TRAM2: variants seen among roughly 807,000 people sequenced by gnomAD.
The protein encoded by TRAM2 is translocation associated membrane protein 2, also known as translocating chain-associated membrane protein 2.
In TRAM2, 12 loss-of-function variants were observed where a neutral mutation model predicts 51.0. The observed-to-expected ratio is 0.24, with a 90% CI of 0.15 to 0.38. TRAM2 has a LOEUF of 0.38. Ranked by LOEUF, TRAM2 falls within the 10% of genes least tolerant of loss-of-function variation. The probability of loss-of-function intolerance (pLI) is 1.00; values close to 1 mark genes in which losing one functional copy is unlikely to be tolerated. For missense variants in TRAM2, 361 were observed against 462.0 expected (o/e 0.78, Z 2.00); for synonymous variants, 175 against 179.4 (o/e 0.98, Z 0.20).
chr6:52,556,856 A>G (rs1350571909), intron 1 of TRAM2, among the ~76,000 whole-genome samples: 1 of 149,878 alleles, frequency 6.7e-6, no homozygotes, highest in Non-Finnish European at 1.5e-5. Context: ...TGAACCCAGG[A>G]GGCGGAGGTT....
At chr6:52,546,856 G>A (rs1385256646) in intron 1 of TRAM2, among the ~76,000 whole-genome samples, 1 of 152,210 alleles carries the variant, frequency 6.6e-6, no homozygotes, top group Non-Finnish European at 1.5e-5. Flanking sequence ...GGACTGAAAT[G>A]TGAGCAGCCC....
chr6:52,512,752 CGAA>C (rs2114066659), intron 4 of TRAM2, among the ~76,000 whole-genome samples: 1 of 152,318 alleles, frequency 6.6e-6, no homozygotes, highest in South Asian at 2.1e-4. Flanking sequence ...AACACAACCA[CGAA>C]GAACAGCATA....
intron 2 of TRAM2, among the ~76,000 whole-genome samples, chr6:52,518,361 G>C (rs80015333): frequency 6.6e-6 from 1 of 152,200 alleles, no homozygotes; most frequent in Non-Finnish European, 1.5e-5. Context: ...GGTGAGCGGC[G>C]GGCTGCTGTG....
chr6:52,563,550 T>A (rs1204239477), intron 1 of TRAM2, among the ~76,000 whole-genome samples: 4 of 151,862 alleles, frequency 2.6e-5, no homozygotes, highest in Non-Finnish European at 4.4e-5. Flanking sequence ...AAACCCCGTC[T>A]CTACTAAAAA....
At chr6:52,515,412 T>C (rs924673089) in intron 4 of TRAM2, among the ~76,000 whole-genome samples, 50 of 152,158 alleles carry the variant, frequency 3.3e-4, no homozygotes, top group Non-Finnish European at 3.7e-4. Flanking sequence ...GAGGGGAAAA[T>C]TGTCTGGTCC....
chr6:52,516,663 T>C lies in TRAM2; in HGVS notation c.259A>G (p.Ile87Val), dbSNP rs753870579. 2 of 1,613,994 alleles carry C rather than the reference T, an allele frequency of 1.2e-6. No individual in the cohort carries two copies. The highest frequency in any genetic ancestry group is 1.3e-5 in the African/African-American group (1 of 74,910). ...TILFYIFITI[I>V]LHAVVQEYIL... ...TACTCCTGAACCACAGCATGCAAGA[T>C]GATGGTGATGAAGATGTAGAACAAG... The change falls in exon 3 of 11, where the codon ATC becomes GTC. Residue 87 changes from isoleucine (I) to valine (V), a missense_variant. Transcript: ENST00000182527.
rs1766183933 is a variant in TRAM2 at position 52,500,302 on chromosome 6, A to G, written c.*2895T>C. The G allele has an allele frequency of 6.6e-6, 1 of 152,216 alleles. No homozygotes were observed. The highest frequency in any genetic ancestry group is 2.4e-5 in the African/African-American group (1 of 41,430). 9.4% of individuals were successfully genotyped at this position (152,216 alleles called of 1,614,324 possible). ...GGCCAAAATTAGAACAAGCTAGCCC[A>G]ACACGCTCATAGGATGAAGTGGAAT... is the stretch of plus-strand genomic sequence containing the variant. On this transcript the variant is annotated 3_prime_UTR_variant, in exon 11 of 11. Transcript: ENST00000182527.
At chr6:52,520,137 TTA>T (rs1766642097) in intron 2 of TRAM2, among the ~76,000 whole-genome samples, 1 of 152,222 alleles carries the variant, frequency 6.6e-6, no homozygotes, top group South Asian at 2.1e-4. Context: ...ATGGTAAGTT[TTA>T]TGTTATGTGT....
chr6:52,549,308 C>T, intron 1 of TRAM2, among the ~76,000 whole-genome samples: 1 of 139,002 alleles, frequency 7.2e-6, no homozygotes, highest in South Asian at 2.7e-4. Context: ...CCAAAATCAA[C>T]TGTCTGTCTC....
chr6:52,503,991 C>G (rs973651729), intron 10 of TRAM2, among the ~76,000 whole-genome samples: 1 of 152,166 alleles, frequency 6.6e-6, no homozygotes, highest in South Asian at 2.1e-4. Context: ...CAGAAAGCAG[C>G]GCCCAGTGCA....
chr6:52,558,949 C>T (rs60674046), intron 1 of TRAM2, among the ~76,000 whole-genome samples: 1,559 of 152,214 alleles, frequency 0.01, 21 homozygotes, highest in African/African-American at 0.034. Flanking sequence ...AGCTGGCACT[C>T]TTATTTATTA....
chr6:52,525,470 T>TAC (rs1270181080), intron 2 of TRAM2, among the ~76,000 whole-genome samples: 3 of 151,918 alleles, frequency 2.0e-5, no homozygotes, highest in East Asian at 1.9e-4. Flanking sequence ...TAAGCACAGA[T>TAC]ACACACACAC....
At position 52,558,181 on chromosome 6, in the gene TRAM2, C is replaced by A. The variant is rs148374432; in HGVS notation, c.120+18615G>T. Among the ~76,000 whole-genome samples, 78 of 152,238 alleles carry A rather than the reference C, an allele frequency of 5.1e-4. No homozygotes were observed. In the East Asian group the frequency reaches 7.7e-3, roughly 15 times the overall value. On this transcript the variant is annotated intron_variant, in intron 1 of 10. Coordinates refer to ENST00000182527, the MANE Select transcript of TRAM2 (RefSeq NM_012288.4). The stretch of plus-strand genomic sequence containing the variant: ...CTGCAGACTTGGCCTCCCCGGGGTT[C>A]TGGGGAGCAGAGAAATTCCTTCAGG...
chr6:52,541,803 G>GTTTTTTTTTTTTTTTTT lies in TRAM2; in HGVS notation c.121-5958_121-5957insAAAAAAAAAAAAAAAAA, dbSNP rs56919932. Among the ~76,000 whole-genome samples the GTTTTTTTTTTTTTTTTT allele has an allele frequency of 1.5e-3, 206 of 138,636 alleles. 3 individuals carry two copies. The highest frequency in any genetic ancestry group is 5.9e-3 in the South Asian group (25 of 4,238). The allele number at this position is 138,636 out of a possible 152,430, so 91.0% of individuals were successfully genotyped here. A position where few individuals can be genotyped will look rare whatever the true frequency, so the allele number is the denominator to read the frequency against. ...TAAATCCTTTGGTTCAGTTTATTCT[G>GTTTTTTTTTTTTTTTTT]TTTTTTTTTTTTTTGGCAGACACAT... On this transcript the variant is annotated intron_variant, in intron 1 of 10. Coordinates refer to ENST00000182527, the MANE Select transcript of TRAM2 (RefSeq NM_012288.4).
chr6:52,533,977 T>C (rs1413232353), intron 2 of TRAM2, among the ~76,000 whole-genome samples: 1 of 151,050 alleles, frequency 6.6e-6, no homozygotes, highest in Admixed American at 6.6e-5. Flanking sequence ...TGTAATTACT[T>C]GGGAGGCTGA....
In TRAM2 at chr6:52,505,754, G is replaced by A. The variant is rs2114060171; in HGVS notation, c.732-12C>T. The A allele has an allele frequency of 1.3e-6, 2 of 1,594,644 alleles. No homozygotes were observed. The highest frequency in any genetic ancestry group is 1.7e-6 in the Non-Finnish European group (2 of 1,169,122). On this transcript the variant is annotated splice_polypyrimidine_tract_variant and intron_variant, in intron 8 of 10. Transcript: ENST00000182527. ...CCCAGGCACTGAACCTGCTCACAGAGGCAGAAGAGGGATGTCAGTCTTTAG... is the reference window on the plus strand; with the variant it reads ...CCCAGGCACTGAACCTGCTCACAGAAGCAGAAGAGGGATGTCAGTCTTTAG...
chr6:52,535,816 A>C lies in TRAM2; in HGVS notation c.151T>G (p.Leu51Val). 1.2e-6 allele frequency: 2 copies of C among 1,614,124 alleles called. No homozygotes were observed. The highest frequency in any genetic ancestry group is 1.7e-6 in the Non-Finnish European group (2 of 1,179,958). The change falls in exon 2 of 11, where the codon TTA becomes GTA. Residue 51 changes from leucine (L) to valine (V), a missense_variant. Coordinates refer to ENST00000182527, the MANE Select transcript of TRAM2 (RefSeq NM_012288.4). ...GGCACGCTAATGTTATACTGAGGTAAAATAAATAGAAAGGCAGTCTTGGCT... is the reference window on the plus strand; with the variant it reads ...GGCACGCTAATGTTATACTGAGGTACAATAAATAGAAAGGCAGTCTTGGCT... ...VTAKTAFLFILPQYNISVPTA... is the reference protein window; with the variant it reads ...VTAKTAFLFIVPQYNISVPTA...
At chr6:52,571,506 TATTTA>T (rs1376772877) in intron 1 of TRAM2, among the ~76,000 whole-genome samples, 5 of 152,220 alleles carry the variant, frequency 3.3e-5, no homozygotes, top group Non-Finnish European at 5.9e-5. Flanking sequence ...AAGTGATACC[TATTTA>T]ACTTGCAGGG....
chr6:52,567,190 C>T (rs1767603677), intron 1 of TRAM2, among the ~76,000 whole-genome samples: 1 of 152,224 alleles, frequency 6.6e-6, no homozygotes, highest in African/African-American at 2.4e-5. Context: ...TCAAGTTACA[C>T]TTAGCTATGA....
Sources: gnomAD v4.1 joint callset for allele counts (sites outside exome capture counted in the v4.1 genomes callset) on GRCh38, gnomAD v4.1.1 for gene constraint, MANE v1.5 for transcripts, NCBI Gene and HGNC (gene_info 2026-07-23, HGNC 2026-07-21) for gene names.